The following NSD1 variants were observed in gnomAD, a reference collection of about 807,000 sequenced individuals.
NSD1 encodes the protein nuclear receptor binding SET domain protein 1, also known as histone-lysine N-methyltransferase, H3 lysine-36 specific.
NSD1 carries 26 observed loss-of-function variants against 242.7 expected under a neutral mutation model. That is an observed-to-expected ratio of 0.11 (90% CI 0.08 to 0.15). NSD1 has a LOEUF of 0.15. NSD1 is among the 10% of genes least tolerant of loss of function. The pLI is 1.00. For missense variants in NSD1, 2,495 were observed against 3,272.8 expected (o/e 0.76, Z 5.80); for synonymous variants, 1,106 against 1,178.1 (o/e 0.94, Z 1.25).
At chr5:177,133,281 C>G (rs1357828459), upstream of NSD1, 2 of 152,606 alleles carry the variant, frequency 1.3e-5, no homozygotes, top group African/African-American at 2.4e-5. This position sits in a 1 kb window ranked among gnomAD's most constrained non-coding sequence, Gnocchi z 6.2. Context: ...GACGCGGGCC[C>G]GAGCAGGGCT....
chr5:177,210,659 A>G lies in NSD1; in HGVS notation c.2260A>G (p.Lys754Glu), dbSNP rs768185742. 3 of 1,614,024 alleles carry G rather than the reference A, an allele frequency of 1.9e-6. No homozygotes were observed. Among genetic ancestry groups the G allele is most frequent in the Non-Finnish European group, 2.5e-6 (3 of 1,180,028 alleles). The change falls in exon 5 of 23, where the codon AAA (lysine) becomes GAA (glutamate). Residue 754 changes from lysine (K) to glutamate (E), a missense_variant. Around this residue, in one of 19 missense-constraint regions of NSD1, gnomAD observed 515 missense variants for 467.0 expected, o/e 1.10. Coordinates refer to ENST00000439151, the MANE Select transcript of NSD1 (RefSeq NM_022455.5). The stretch of plus-strand genomic sequence containing the variant: ...TTTTACAAATGATGCTCTCTCTCCA[A>G]AATTCAACCTGTCATCAAGCATATC... ...SDFTNDALSP[K>E]FNLSSSISSE...
At chr5:177,178,287 C>A (rs1445971194) in intron 2 of NSD1, among the ~76,000 whole-genome samples, 1 of 151,484 alleles carries the variant, frequency 6.6e-6, no homozygotes, top group Non-Finnish European at 1.5e-5. Context: ...AGTGCAATGG[C>A]GGGATCTCGG....
chr5:177,265,460 C>A, intron 14 of NSD1: 1 of 619,352 alleles, frequency 1.6e-6, no homozygotes, highest in East Asian at 2.7e-5. Flanking sequence ...CCAGCCCAGG[C>A]CCCTAAAACC....
chr5:177,170,436 C>T (rs183598708), intron 2 of NSD1, among the ~76,000 whole-genome samples: 64 of 151,698 alleles, frequency 4.2e-4, no homozygotes, highest in African/African-American at 1.4e-3. Flanking sequence ...CTGCAACCTC[C>T]GCCTCCCGGG....
At chr5:177,236,583 T>C in intron 6 of NSD1, among the ~76,000 whole-genome samples, 1 of 152,014 alleles carries the variant, frequency 6.6e-6, no homozygotes, top group East Asian at 1.9e-4. Flanking sequence ...TTTTTCATGA[T>C]CATGATCATG....
At chr5:177,215,943 C>G (rs1763736952) in intron 5 of NSD1, among the ~76,000 whole-genome samples, 1 of 152,176 alleles carries the variant, frequency 6.6e-6, no homozygotes, top group Admixed American at 6.6e-5. Flanking sequence ...TCACTGCAGC[C>G]TCAAACTCCT....
chr5:177,140,111 G>C (rs1278331515), intron 2 of NSD1, among the ~76,000 whole-genome samples: 1 of 152,156 alleles, frequency 6.6e-6, no homozygotes, highest in Non-Finnish European at 1.5e-5. Flanking sequence ...AGCCTCTTCA[G>C]TTTACCATCA....
chr5:177,240,050 A>G (rs921560953), intron 8 of NSD1, among the ~76,000 whole-genome samples, 185 bp downstream of exon 8: 3 of 152,208 alleles, frequency 2.0e-5, no homozygotes, highest in Non-Finnish European at 4.4e-5. Flanking sequence ...GTGACCATGT[A>G]TGTGTATAAA....
intron 16 of NSD1, among the ~76,000 whole-genome samples, chr5:177,271,960 A>G (rs1757975021): frequency 6.6e-6 from 1 of 152,006 alleles, no homozygotes; most frequent in Admixed American, 6.6e-5. Flanking sequence ...TGTCTCTACT[A>G]AAAATAAAAA....
chr5:177,192,370 T>G (rs1761761778), intron 3 of NSD1, among the ~76,000 whole-genome samples: 1 of 151,568 alleles, frequency 6.6e-6, no homozygotes, highest in African/African-American at 2.4e-5. Context: ...GCCACCACGC[T>G]TGGCTAATTT....
At chr5:177,287,944 T>C (rs1051007126) in intron 20 of NSD1, among the ~76,000 whole-genome samples, 9 of 152,232 alleles carry the variant, frequency 5.9e-5, no homozygotes, top group African/African-American at 2.2e-4. Context: ...ATAAAAGGTA[T>C]GTCAGTCTGC....
rs1249311436 is a variant in NSD1, at chr5:177,190,966, CTTTTTTTTTTTTTTCTTT to C, written c.928-908_928-891del. Among the ~76,000 whole-genome samples, 318 of 127,374 alleles carry C rather than the reference CTTTTTTTTTTTTTTCTTT, an allele frequency of 2.5e-3. 1 individual carries two copies. The highest frequency in any genetic ancestry group is 9.4e-3 in the African/African-American group (303 of 32,346). The allele number at this position is 127,374 out of a possible 152,430, so 83.6% of individuals were successfully genotyped here. ...ACAGGCATGAGCCACTGCACCCAGCCTTTTTTTTTTTTTTCTTTTTTTTTTTTGAAGAGTCTCTCTGTC... is the reference window on the plus strand; with the variant it reads ...ACAGGCATGAGCCACTGCACCCAGCCTTTTTTTTTGAAGAGTCTCTCTGTC... On this transcript the variant is annotated intron_variant, in intron 2 of 22. Coordinates refer to ENST00000439151, the MANE Select transcript of NSD1 (RefSeq NM_022455.5).
intron 2 of NSD1, among the ~76,000 whole-genome samples, chr5:177,173,466 CTTTTTTTT>C (rs768982432): frequency 8.0e-5 from 5 of 62,172 alleles, no homozygotes; most frequent in Non-Finnish European, 1.4e-4. Context: ...TACTATCTGG[CTTTTTTTT>C]TTTTTTTTTT....
intron 8 of NSD1, among the ~76,000 whole-genome samples, chr5:177,242,949 A>C (rs952407560): frequency 5.3e-5 from 8 of 152,210 alleles, no homozygotes; most frequent in African/African-American, 1.7e-4. Flanking sequence ...AATTCATAGA[A>C]GTATATTAGT....
At chr5:177,215,180 A>ATTT (rs797009444) in intron 5 of NSD1, among the ~76,000 whole-genome samples, 1 of 140,856 alleles carries the variant, frequency 7.1e-6, no homozygotes, top group African/African-American at 2.6e-5. Context: ...CTGGTTTTCA[A>ATTT]TTTTTTTTTT....
intron 10 of NSD1, 140 bp from the exon 11 acceptor site, chr5:177,248,041 C>T: frequency 6.6e-7 from 1 of 1,523,342 alleles, no homozygotes; most frequent in South Asian, 1.2e-5. Flanking sequence ...TTAGAACTAA[C>T]ATTGCATGCA....
At chr5:177,198,946 C>G (rs995502862) in intron 3 of NSD1, among the ~76,000 whole-genome samples, 3 of 152,212 alleles carry the variant, frequency 2.0e-5, no homozygotes, top group African/African-American at 7.2e-5. Context: ...TAAGCAACCA[C>G]TAATGTACTT....
intron 2 of NSD1, among the ~76,000 whole-genome samples, chr5:177,159,029 T>TTA (rs1758495579): frequency 9.1e-6 from 1 of 109,370 alleles, no homozygotes; most frequent in African/African-American, 4.2e-5. Context: ...TATATATGAA[T>TTA]GATATATATA....
chr5:177,188,112 T>C (rs747996024), intron 2 of NSD1, among the ~76,000 whole-genome samples: 9 of 152,212 alleles, frequency 5.9e-5, no homozygotes, highest in Non-Finnish European at 1.2e-4. Context: ...TGTGACTTAT[T>C]CGTCTTTGTG....
Sources: gnomAD v4.1 joint callset for allele counts (sites outside exome capture counted in the v4.1 genomes callset) on GRCh38, gnomAD v4.1.1 for gene constraint, gnomAD v4.1.1 regional missense constraint, Gnocchi (gnomAD v3.1) non-coding constraint, MANE v1.5 for transcripts, NCBI Gene and HGNC (gene_info 2026-07-23, HGNC 2026-07-21) for gene names.